The following TRPC4 variants were observed in gnomAD, a reference collection of about 807,000 sequenced individuals.
TRPC4 encodes transient receptor potential cation channel subfamily C member 4, also known as short transient receptor potential channel 4.
Under a neutral mutation model 99.4 loss-of-function variants are expected in TRPC4, and 49 were observed. That is an observed-to-expected ratio of 0.49 (90% CI 0.39 to 0.63). The LOEUF (loss-of-function observed/expected upper bound fraction) is 0.63. Ranked by LOEUF, TRPC4 falls within the 20% of genes least tolerant of loss-of-function variation. The pLI is 0.00. For missense variants in TRPC4, 898 were observed against 1,152.9 expected, an observed-to-expected ratio of 0.78 and a Z score of 3.20; for synonymous variants, 454 against 425.9, an observed-to-expected ratio of 1.07 and a Z score of -0.81.
rs1956883297 is a variant in TRPC4, at chr13:37,783,104, G to A, written c.230C>T (p.Ala77Val). 1 of 1,613,242 alleles carries A rather than the reference G, an allele frequency of 6.2e-7. No homozygotes were observed. Among genetic ancestry groups the A allele is most frequent in the African/African-American group, 1.3e-5 (1 of 74,874 alleles). ...GAGCTCCAAGTTCTCATTTTCAATT[G>A]CAATGAGGAGAGCAGTTCTTCCGAG... Reference protein sequence around the residue: ...DPLGRTALLIAIENENLELIE... With the variant: ...DPLGRTALLIVIENENLELIE... The change falls in exon 2 of 11, where the codon GCA (alanine) becomes GTA (valine). Residue 77 changes from alanine to valine, a missense_variant. Ala to Val is a moderately conservative substitution (Grantham distance 64). Around this residue, in one of 3 missense-constraint regions of TRPC4, gnomAD observed 278 missense variants for 346.6 expected, o/e 0.80. Transcript: ENST00000379705.
At chr13:37,696,585 T>A (rs1953911916) in intron 3 of TRPC4, among the ~76,000 whole-genome samples, 1 of 152,190 alleles carries the variant, frequency 6.6e-6, no homozygotes. Context: ...CTATCTTGAC[T>A]GCGTCAGAGA....
chr13:37,833,902 G>T (rs997238656), intron 1 of TRPC4, among the ~76,000 whole-genome samples: 1 of 152,162 alleles, frequency 6.6e-6, no homozygotes, highest in African/African-American at 2.4e-5. Context: ...AAGAAGAGTA[G>T]TCTGACAGTA....
In TRPC4 at chr13:37,783,380, A is replaced by G; in HGVS notation, c.-27-20T>C. 1 of 1,499,268 alleles carries G rather than the reference A, an allele frequency of 6.7e-7. No individual in the cohort carries two copies. Among genetic ancestry groups the G allele is most frequent in the Non-Finnish European group, 8.9e-7 (1 of 1,126,014 alleles). 92.9% of individuals were successfully genotyped at this position (1,499,268 alleles called of 1,614,324 possible). ...TCGTCTCTGAAAGTAGAAACAAAAA[A>G]CACAAAGATTAGTGTTAATATGCTT... On this transcript the variant is annotated intron_variant, in intron 1 of 10. Coordinates refer to ENST00000379705, the MANE Select transcript of TRPC4 (RefSeq NM_016179.4).
At chr13:37,686,903 T>C (rs749254646) in intron 4 of TRPC4, among the ~76,000 whole-genome samples, 2 of 152,178 alleles carry the variant, frequency 1.3e-5, no homozygotes, top group Non-Finnish European at 2.9e-5. Context: ...TGTTTTCTCA[T>C]AGGAGCAAAG....
intron 1 of TRPC4, among the ~76,000 whole-genome samples, chr13:37,840,635 T>G (rs946786261): frequency 6.6e-6 from 1 of 151,972 alleles, no homozygotes; most frequent in Admixed American, 6.6e-5. Flanking sequence ...TTATATATGT[T>G]ATAATATTAT....
chr13:37,738,937 A>AT (rs56136145), intron 3 of TRPC4, among the ~76,000 whole-genome samples: 47,901 of 151,964 alleles, frequency 0.32, 8,898 homozygotes, highest in East Asian at 0.76. Flanking sequence ...CGGGCTTGGG[A>AT]TTTTCAATTG....
At chr13:37,659,881 G>T (rs1192066576) in intron 6 of TRPC4, among the ~76,000 whole-genome samples, 3 of 152,156 alleles carry the variant, frequency 2.0e-5, no homozygotes, top group Admixed American at 6.6e-5. Flanking sequence ...ACTAAGAAAA[G>T]GAATTAAGCA....
chr13:37,697,758 G>T (rs1444242691), intron 3 of TRPC4, among the ~76,000 whole-genome samples: 1 of 152,148 alleles, frequency 6.6e-6, no homozygotes, highest in Non-Finnish European at 1.5e-5. Context: ...ATAAAAATCT[G>T]CATAGCATGA....
At chr13:37,855,337 GATATAT>G (rs59525799) in intron 1 of TRPC4, among the ~76,000 whole-genome samples, 3 of 136,574 alleles carry the variant, frequency 2.2e-5, no homozygotes, top group Non-Finnish European at 3.1e-5. Flanking sequence ...ATACAATGTA[GATATAT>G]ATATATATAT....
intron 4 of TRPC4, among the ~76,000 whole-genome samples, chr13:37,691,356 G>A (rs1045767064): frequency 2.6e-5 from 4 of 152,026 alleles, no homozygotes; most frequent in East Asian, 1.9e-4. Flanking sequence ...CGCCCGCCTC[G>A]GCCTCCCAAA....
At chr13:37,778,748 T>C (rs2139328948) in intron 2 of TRPC4, among the ~76,000 whole-genome samples, 1 of 152,186 alleles carries the variant, frequency 6.6e-6, no homozygotes, top group South Asian at 2.1e-4. Flanking sequence ...AATAAGGATG[T>C]TACTGAAATT....
At position 37,717,715 on chromosome 13, in the gene TRPC4, C is replaced by T. The variant is rs530120928; in HGVS notation, c.898-25380G>A. Among the ~76,000 whole-genome samples, 7 of 152,232 alleles carry T rather than the reference C, an allele frequency of 4.6e-5. No homozygotes were observed. In the East Asian group the frequency reaches 1.4e-3, roughly 29 times the overall value. ...AATCCAACCCTCTCTATGTGTTGCT[C>T]TCAGTCTTCTAGCCTCTAGAGTTGT... is the stretch of plus-strand genomic sequence containing the variant. On this transcript the variant is annotated intron_variant, in intron 3 of 10. Coordinates refer to ENST00000379705, the MANE Select transcript of TRPC4 (RefSeq NM_016179.4).
At chr13:37,800,878 G>A (rs1474085289) in intron 1 of TRPC4, among the ~76,000 whole-genome samples, 1 of 151,746 alleles carries the variant, frequency 6.6e-6, no homozygotes, top group Non-Finnish European at 1.5e-5. Context: ...TCCCACAAGA[G>A]TATTTCCCTT....
chr13:37,833,038 C>A (rs997240282), intron 1 of TRPC4, among the ~76,000 whole-genome samples: 1 of 152,034 alleles, frequency 6.6e-6, no homozygotes, highest in Non-Finnish European at 1.5e-5. Context: ...CATTTCCTTG[C>A]TGCACTCTGC....
At chr13:37,687,412 C>A (rs189212460) in intron 4 of TRPC4, among the ~76,000 whole-genome samples, 2 of 152,124 alleles carry the variant, frequency 1.3e-5, no homozygotes, top group South Asian at 4.1e-4. Context: ...TTGTTACAAT[C>A]GGAGTTAGAA....
chr13:37,723,631 C>T (rs191707542), intron 3 of TRPC4, among the ~76,000 whole-genome samples: 1 of 152,146 alleles, frequency 6.6e-6, no homozygotes, highest in Non-Finnish European at 1.5e-5. Flanking sequence ...CTCACTGCAG[C>T]TTTGACTTCT....
At chr13:37,654,724 C>G (rs7319548) in intron 7 of TRPC4, among the ~76,000 whole-genome samples, 3 of 152,196 alleles carry the variant, frequency 2.0e-5, no homozygotes, top group Admixed American at 2.0e-4. Context: ...GGGATGACTT[C>G]GCTTATATGA....
intron 3 of TRPC4, among the ~76,000 whole-genome samples, chr13:37,708,462 C>G (rs1954365417): frequency 6.6e-6 from 1 of 151,922 alleles, no homozygotes; most frequent in Non-Finnish European, 1.5e-5. Context: ...TTACCCAAAA[C>G]ATTGTTGAAA....
At chr13:37,706,748 C>T (rs76077984) in intron 3 of TRPC4, among the ~76,000 whole-genome samples, 2,092 of 151,288 alleles carry the variant, frequency 0.014, 53 homozygotes, top group African/African-American at 0.048. Context: ...TTTGTTCTTG[C>T]GATAGTTTGC....
Sources: allele counts gnomAD v4.1 joint callset (sites outside exome capture counted in the v4.1 genomes callset), GRCh38; gene constraint gnomAD v4.1.1; regional missense constraint gnomAD v4.1.1; transcripts MANE v1.5; gene names NCBI Gene and HGNC (gene_info 2026-07-23, HGNC 2026-07-21).